The following FAM227B variants were observed in gnomAD, a reference collection of about 807,000 sequenced individuals.
FAM227B encodes family with sequence similarity 227 member B, also known as protein FAM227B.
A neutral mutation model predicts 73.8 loss-of-function variants in FAM227B; 88 were observed. The observed-to-expected ratio is 1.19, with a 90% CI of 1.00 to 1.42. FAM227B has a LOEUF of 1.42. Ranked by LOEUF, FAM227B falls within the 40% of genes most tolerant of loss-of-function variation. The pLI, the probability that FAM227B is intolerant of heterozygous loss-of-function variation, is 0.00. For synonymous variants in FAM227B, 210 were observed against 190.5 expected, an observed-to-expected ratio of 1.10 and a Z score of -0.84; for missense variants, 632 against 590.9, an observed-to-expected ratio of 1.07 and a Z score of -0.72.
chr15:49,398,092 T>G (rs963801248), intron 11 of FAM227B, among the ~76,000 whole-genome samples: 2 of 152,142 alleles, frequency 1.3e-5, no homozygotes, highest in African/African-American at 4.8e-5. Context: ...TGTGCTGTAT[T>G]CAGGAAACCC....
At chr15:49,405,672 C>A (rs2048462806) in intron 11 of FAM227B, among the ~76,000 whole-genome samples, 1 of 152,104 alleles carries the variant, frequency 6.6e-6, no homozygotes, top group Non-Finnish European at 1.5e-5. Context: ...ATTTTAGCTT[C>A]CTTAGATTGG....
At chr15:49,551,190 G>A (rs961319704) in intron 9 of FAM227B, among the ~76,000 whole-genome samples, 94 of 152,218 alleles carry the variant, frequency 6.2e-4, no homozygotes, top group Middle Eastern at 3.2e-3. Flanking sequence ...GCTGAGGCAG[G>A]AGAATCAGGC....
At chr15:49,489,819 ATTT>A (rs1203386943) in intron 11 of FAM227B, among the ~76,000 whole-genome samples, 14,857 of 58,582 alleles carry the variant, frequency 0.25, 3,280 homozygotes, top group Admixed American at 0.38. Flanking sequence ...ATATATATAT[ATTT>A]TATATATATA....
intron 3 of FAM227B, among the ~76,000 whole-genome samples, chr15:49,594,139 T>G (rs946379916): frequency 6.6e-6 from 1 of 152,114 alleles, no homozygotes; most frequent in Non-Finnish European, 1.5e-5. Context: ...AAGGTGGTAT[T>G]GCATTGTGGT....
chr15:49,561,927 C>T (rs2074294509), intron 9 of FAM227B, among the ~76,000 whole-genome samples: 1 of 151,986 alleles, frequency 6.6e-6, no homozygotes, highest in African/African-American at 2.4e-5. Flanking sequence ...TATAATATTA[C>T]ACCTAAAGGA....
chr15:49,549,211 G>A (rs372263196), intron 9 of FAM227B, among the ~76,000 whole-genome samples: 24 of 152,016 alleles, frequency 1.6e-4, no homozygotes, highest in East Asian at 1.9e-4. Context: ...TTCCATAGTC[G>A]TTTGTTTAAA....
intron 10 of FAM227B, among the ~76,000 whole-genome samples, chr15:49,534,027 G>A (rs1024766205): frequency 3.3e-5 from 5 of 151,450 alleles, no homozygotes; most frequent in Non-Finnish European, 3.0e-5. Context: ...TCTATCTTTC[G>A]TGGGTCTACT....
intron 15 of FAM227B, chr15:49,328,938 T>C (rs993179433): frequency 1.8e-6 from 2 of 1,141,162 alleles, no homozygotes; most frequent in Non-Finnish European, 2.2e-6. Context: ...TTTAAGACTC[T>C]TCTATTCACA....
At chr15:49,485,244 TAC>T (rs2056309057) in intron 11 of FAM227B, 1 of 152,360 alleles carries the variant, frequency 6.6e-6, no homozygotes, top group African/African-American at 2.4e-5. Flanking sequence ...TACTTCATCT[TAC>T]TTGCCACAAA....
chr15:49,357,368 A>G (rs1234790012), intron 13 of FAM227B, among the ~76,000 whole-genome samples: 1 of 149,794 alleles, frequency 6.7e-6, no homozygotes, highest in Non-Finnish European at 1.5e-5. Context: ...AGAGAGAAGA[A>G]TCAAATAGAC....
At chr15:49,414,439 G>A (rs1438360603) in intron 11 of FAM227B, among the ~76,000 whole-genome samples, 1 of 152,228 alleles carries the variant, frequency 6.6e-6, no homozygotes, top group East Asian at 1.9e-4. Context: ...CCCAAACCAA[G>A]TGAGAGAGCC....
chr15:49,480,139 A>G (rs1257447563), intron 11 of FAM227B, among the ~76,000 whole-genome samples: 1 of 152,216 alleles, frequency 6.6e-6, no homozygotes, highest in Non-Finnish European at 1.5e-5. Context: ...TCTTTTAGAT[A>G]TGTTGATTTC....
At chr15:49,608,034 G>A (rs1354589504) in intron 3 of FAM227B, among the ~76,000 whole-genome samples, 1 of 152,130 alleles carries the variant, frequency 6.6e-6, no homozygotes, top group East Asian at 1.9e-4. Context: ...TAGCTGTCAG[G>A]CAGTTCATAC....
chr15:49,347,911 C>T (rs1049612537), intron 13 of FAM227B, among the ~76,000 whole-genome samples: 2 of 147,966 alleles, frequency 1.4e-5, no homozygotes, highest in Non-Finnish European at 1.5e-5. Flanking sequence ...CCCAGCTACT[C>T]GGGAGGCTGA....
intron 13 of FAM227B, among the ~76,000 whole-genome samples, chr15:49,363,266 T>A (rs939430357): frequency 6.6e-6 from 1 of 152,218 alleles, no homozygotes; most frequent in African/African-American, 2.4e-5. Flanking sequence ...CATTGAATGT[T>A]CTTCCACTTG....
At chr15:49,460,884 TGC>T (rs1269537753) in intron 11 of FAM227B, among the ~76,000 whole-genome samples, 3 of 152,218 alleles carry the variant, frequency 2.0e-5, no homozygotes, top group South Asian at 2.1e-4. Flanking sequence ...TTTTTCAGAA[TGC>T]ATTTGGTTTG....
At chr15:49,354,414 C>T (rs1049310648) in intron 13 of FAM227B, among the ~76,000 whole-genome samples, 4 of 152,162 alleles carry the variant, frequency 2.6e-5, no homozygotes, top group East Asian at 1.9e-4. Context: ...CGAAGCAGGG[C>T]GAGGCATTGC....
At chr15:49,568,949 G>C (rs780554627) in intron 8 of FAM227B, among the ~76,000 whole-genome samples, 51 of 151,906 alleles carry the variant, frequency 3.4e-4, no homozygotes, top group Non-Finnish European at 6.6e-4. Context: ...AGTTTCAGAA[G>C]GACTGGTGTT....
chr15:49,496,529 T>A (rs978831084), intron 11 of FAM227B, among the ~76,000 whole-genome samples: 2 of 152,212 alleles, frequency 1.3e-5, no homozygotes, highest in Non-Finnish European at 2.9e-5. Context: ...TTATAAATCA[T>A]GAGTCATTCC....
Sources: allele counts gnomAD v4.1 joint callset (sites outside exome capture counted in the v4.1 genomes callset), GRCh38; gene constraint gnomAD v4.1.1; transcripts MANE v1.5; gene names NCBI Gene and HGNC (gene_info 2026-07-23, HGNC 2026-07-21).